The following GJB4 variants were observed in gnomAD, a reference collection of about 807,000 sequenced individuals.
GJB4 encodes gap junction beta-4 protein.
For synonymous variants in GJB4, 162 were observed against 158.1 expected (o/e 1.02, Z -0.18); for missense variants, 371 against 363.8 (o/e 1.02, Z -0.16).
rs368331423 is a variant in GJB4, at chr1:34,761,453, G to A, written c.199G>A (p.Glu67Lys). 2.8e-5 allele frequency: 45 copies of A among 1,614,156 alleles called. No individual in the cohort carries two copies. In the East Asian group the frequency reaches 6.9e-4, roughly 25 times the overall value. ...QPGCPNVCYD[E>K]FFPVSHVRLW... ...CGGCTGCCCCAACGTCTGCTATGAC[G>A]AGTTCTTCCCCGTGTCCCACGTGCG... Residue 67 changes from glutamate to lysine, a missense_variant, in exon 2 of 2, where the codon GAG becomes AAG. Coordinates refer to ENST00000339480, the MANE Select transcript of GJB4 (RefSeq NM_153212.3). The surrounding 1 kb of genome is among the most constrained non-coding windows in gnomAD (Gnocchi z 4.4).
rs1226006409 is a variant in GJB4 at position 34,762,113 on chromosome 1, A to C, written c.*58A>C. The C allele has an allele frequency of 7.3e-6, 11 of 1,499,954 alleles. 1 individual carries two copies. In the African/African-American group the frequency reaches 1.1e-4, roughly 15 times the overall value. The allele number at this position is 1,499,954 out of a possible 1,614,324, so 92.9% of individuals were successfully genotyped here. On this transcript the variant is annotated 3_prime_UTR_variant, in exon 2 of 2. Transcript: ENST00000339480. ...CCCCCCACATGAGGCCACCCAGGAA[A>C]AAAGGCAGGGGCAGTGGCATCCTTG...
At position 34,761,237 on chromosome 1, in the gene GJB4, A is replaced by C. The variant is rs1228002628; in HGVS notation, c.-18A>C. On this transcript the variant is annotated 5_prime_UTR_variant, in exon 2 of 2. Transcript: ENST00000339480. This position sits in a 1 kb window ranked among gnomAD's most constrained non-coding sequence, Gnocchi z 4.4. ...CAGGTATAGACCTTCCACGTGCAGC[A>C]CCCAGGACACAGCCAGCATGAACTG... The C allele has an allele frequency of 6.2e-7, 1 of 1,613,936 alleles. No individual in the cohort carries two copies. Among genetic ancestry groups the C allele is most frequent in the East Asian group, 2.2e-5 (1 of 44,878 alleles).
rs111254251 is a variant in GJB4, at chr1:34,759,979, T to C, written c.-323+191T>C. Among the ~76,000 whole-genome samples the C allele has an allele frequency of 7.0e-3, 1,059 of 152,006 alleles. 11 individuals carry two copies. The highest frequency in any genetic ancestry group is 0.024 in the African/African-American group (1,014 of 41,440). On this transcript the variant is annotated intron_variant, in intron 1 of 1. Coordinates refer to ENST00000339480, the MANE Select transcript of GJB4 (RefSeq NM_153212.3). ...GGCTGACCTAAGGGACGACAGAAGA[T>C]TGGGGAAGAGGGGGTATCAGGAAGA... is the stretch of plus-strand genomic sequence containing the variant.
intron 1 of GJB4, among the ~76,000 whole-genome samples, chr1:34,760,054 C>A (rs1193911313): frequency 1.3e-5 from 2 of 152,180 alleles, no homozygotes; most frequent in Non-Finnish European, 2.9e-5. Context: ...TTCACTGGGC[C>A]AGGCCAGTGC....
rs1452614572 is a variant in GJB4 at position 34,762,095 on chromosome 1, C to T, written c.*40C>T. The T allele has an allele frequency of 1.2e-5, 19 of 1,549,012 alleles. No homozygotes were observed. The highest frequency in any genetic ancestry group is 1.3e-5 in the Non-Finnish European group (15 of 1,137,640). On this transcript the variant is annotated 3_prime_UTR_variant, in exon 2 of 2. Coordinates refer to ENST00000339480, the MANE Select transcript of GJB4 (RefSeq NM_153212.3). ...AGATAAGATCAACAGGTCCCCCCCA[C>T]ATGAGGCCACCCAGGAAAAAAGGCA...
chr1:34,761,191 C>T lies in GJB4; in HGVS notation c.-64C>T. ...CCCCCAGGCCTCAAGGCTCCCAAGG[C>T]CTGAGTGGGCAGGTAGCACCCAGGT... is the stretch of plus-strand genomic sequence containing the variant. On this transcript the variant is annotated 5_prime_UTR_variant, in exon 2 of 2. Transcript: ENST00000339480. This position sits in a 1 kb window ranked among gnomAD's most constrained non-coding sequence, Gnocchi z 4.4. 3 of 1,562,362 alleles carry T rather than the reference C, an allele frequency of 1.9e-6. No homozygotes were observed. The highest frequency in any genetic ancestry group is 2.6e-6 in the Non-Finnish European group (3 of 1,137,258).
chr1:34,759,936 G>T (rs1022552084), intron 1 of GJB4, 148 bp downstream of exon 1: 2 of 152,384 alleles, frequency 1.3e-5, no homozygotes, highest in African/African-American at 4.8e-5. Context: ...AAGTGCCAAG[G>T]AGGAGAAGGA....
In GJB4 at chr1:34,761,976, A is replaced by C; in HGVS notation, c.722A>C (p.Gln241Pro). ...PDTCPPYVLS[Q>P]GGHPEDGNSV... ...ACGTGCCCACCATATGTCCTCTCCC[A>C]GGGAGGGCACCCTGAGGATGGGAAC... is the stretch of plus-strand genomic sequence containing the variant. Residue 241 changes from glutamine (Q) to proline (P), a missense_variant, in exon 2 of 2, where the codon CAG becomes CCG. Coordinates refer to ENST00000339480, the MANE Select transcript of GJB4 (RefSeq NM_153212.3). This position sits in a 1 kb window ranked among gnomAD's most constrained non-coding sequence, Gnocchi z 4.4. 6.2e-7 allele frequency: 1 copy of C among 1,614,144 alleles called. No homozygotes were observed. Among genetic ancestry groups the C allele is most frequent in the Non-Finnish European group, 8.5e-7 (1 of 1,179,990 alleles).
In GJB4 at chr1:34,761,546, C is replaced by T. The variant is rs200602523; in HGVS notation, c.292C>T (p.Arg98Cys). The change falls in exon 2 of 2, where the codon CGC becomes TGC. Residue 98 changes from arginine to cysteine, a missense_variant. Transcript: ENST00000339480. The surrounding 1 kb of genome is among the most constrained non-coding windows in gnomAD (Gnocchi z 4.4). ...SLLVVMHVAY[R>C]EERERKHHLK... ...GCTCGTGGTCATGCACGTGGCCTAC[C>T]GCGAGGAACGCGAGCGCAAGCACCA... The T allele has an allele frequency of 1.8e-4, 298 of 1,614,152 alleles. No individual in the cohort carries two copies. The East Asian group carries it at 2.5e-3, about 14-fold the overall frequency.
rs200609512 is a variant in GJB4 at position 34,761,566 on chromosome 1, G to C, written c.312G>C (p.Lys104Asn). ...HVAYREERER[K>N]HHLKHGPNAP... ...CCTACCGCGAGGAACGCGAGCGCAA[G>C]CACCACCTGAAACACGGGCCCAATG... The change falls in exon 2 of 2, where the codon AAG (lysine) becomes AAC (asparagine). Residue 104 changes from lysine (K) to asparagine (N), a missense_variant. By Grantham distance (94) the Lys-to-Asn change is moderately conservative (BLOSUM62 0). Coordinates refer to ENST00000339480, the MANE Select transcript of GJB4 (RefSeq NM_153212.3). This position sits in a 1 kb window ranked among gnomAD's most constrained non-coding sequence, Gnocchi z 4.4. 20 of 1,614,218 alleles carry C rather than the reference G, an allele frequency of 1.2e-5. No homozygotes were observed. The highest frequency in any genetic ancestry group is 1.7e-5 in the Non-Finnish European group (20 of 1,180,044).
chr1:34,760,680 G>T (rs116557457), intron 1 of GJB4, among the ~76,000 whole-genome samples: 4,194 of 152,318 alleles, frequency 0.028, 78 homozygotes, highest in South Asian at 0.046. Flanking sequence ...AGGGGCTGAT[G>T]TGAACGTCCC....
chr1:34,761,590 T>C lies in GJB4; in HGVS notation c.336T>C (p.Asn112=). ...ERKHHLKHGP[N]APSLYDNLSK... ...AGCACCACCTGAAACACGGGCCCAA[T>C]GCCCCGTCCCTGTACGACAACCTGA... is the stretch of plus-strand genomic sequence containing the variant. The change falls in exon 2 of 2, where the codon AAT becomes AAC. Residue 112 remains asparagine (N), a synonymous_variant. Transcript: ENST00000339480. This position sits in a 1 kb window ranked among gnomAD's most constrained non-coding sequence, Gnocchi z 4.4. The C allele has an allele frequency of 1.9e-6, 3 of 1,614,232 alleles. No homozygotes were observed. The highest frequency in any genetic ancestry group is 2.5e-6 in the Non-Finnish European group (3 of 1,180,034).
At chr1:34,759,903 G>A (rs182516489) in intron 1 of GJB4, 115 bp downstream of exon 1, 1 of 152,436 alleles carries the variant, frequency 6.6e-6, no homozygotes, top group African/African-American at 2.4e-5. Flanking sequence ...CAGAGGGTCA[G>A]TGTCCCTAGA....
Position 34,761,196 on chromosome 1 carries a change from G to A in GJB4, c.-59G>A. 2.5e-6 allele frequency: 4 copies of A among 1,579,202 alleles called. No individual in the cohort carries two copies. The highest frequency in any genetic ancestry group is 2.2e-5 in the East Asian group (1 of 44,460). On this transcript the variant is annotated 5_prime_UTR_variant, in exon 2 of 2. In the 5' UTR this introduces an upstream ATG that the reference lacks. Coordinates refer to ENST00000339480, the MANE Select transcript of GJB4 (RefSeq NM_153212.3). The surrounding 1 kb of genome is among the most constrained non-coding windows in gnomAD (Gnocchi z 4.4). ...AGGCCTCAAGGCTCCCAAGGCCTGAGTGGGCAGGTAGCACCCAGGTATAGA... is the reference window on the plus strand; with the variant it reads ...AGGCCTCAAGGCTCCCAAGGCCTGAATGGGCAGGTAGCACCCAGGTATAGA...
rs9426009 is a variant in GJB4, at chr1:34,761,561, C to T, written c.307C>T (p.Arg103Cys). Residue 103 changes from arginine to cysteine, a missense_variant, in exon 2 of 2, where the codon CGC becomes TGC. Arg to Cys is a radical substitution (Grantham distance 180, BLOSUM62 -3). Transcript: ENST00000339480. The surrounding 1 kb of genome is among the most constrained non-coding windows in gnomAD (Gnocchi z 4.4). Reference sequence around the variant, plus strand: ...CGTGGCCTACCGCGAGGAACGCGAGCGCAAGCACCACCTGAAACACGGGCC... The same window carrying T: ...CGTGGCCTACCGCGAGGAACGCGAGTGCAAGCACCACCTGAAACACGGGCC... The part of the protein sequence containing the change: ...MHVAYREERE[R>C]KHHLKHGPNA... 38,871 of 1,614,208 alleles carry T rather than the reference C, an allele frequency of 0.024. 524 individuals are homozygous for T. Among genetic ancestry groups the T allele is most frequent in the Non-Finnish European group, 0.028 (32,872 of 1,180,032 alleles).
chr1:34,761,531 A>C lies in GJB4; in HGVS notation c.277A>C (p.Met93Leu). ...LVTCPSLLVV[M>L]HVAYREERER... ...CACGTGCCCCTCACTGCTCGTGGTC[A>C]TGCACGTGGCCTACCGCGAGGAACG... The change falls in exon 2 of 2, where the codon ATG becomes CTG. Residue 93 changes from methionine to leucine, a missense_variant. Met to Leu is a conservative substitution (Grantham distance 15, BLOSUM62 2). Transcript: ENST00000339480. The surrounding 1 kb of genome is among the most constrained non-coding windows in gnomAD (Gnocchi z 4.4). The C allele has an allele frequency of 6.2e-7, 1 of 1,614,164 alleles. No homozygotes were observed. The highest frequency in any genetic ancestry group is 8.5e-7 in the Non-Finnish European group (1 of 1,180,030).
Position 34,762,086 on chromosome 1 carries a change from TC to T in GJB4, c.*38del, listed in dbSNP as rs779022220. On this transcript the variant is annotated 3_prime_UTR_variant, in exon 2 of 2. Coordinates refer to ENST00000339480, the MANE Select transcript of GJB4 (RefSeq NM_153212.3). Reference sequence around the variant, plus strand: ...GAGATCAGCAGATAAGATCAACAGGTCCCCCCCACATGAGGCCACCCAGGAA... The same window carrying T: ...GAGATCAGCAGATAAGATCAACAGGTCCCCCCACATGAGGCCACCCAGGAA... 8.2e-6 allele frequency: 13 copies of T among 1,576,642 alleles called. No homozygotes were observed. Among genetic ancestry groups the T allele is most frequent in the African/African-American group, 6.8e-5 (5 of 73,702 alleles).
Position 34,762,048 on chromosome 1 carries a change from A to G in GJB4, c.794A>G (p.Tyr265Cys), listed in dbSNP as rs1639733631. The G allele has an allele frequency of 6.2e-7, 1 of 1,612,552 alleles. No homozygotes were observed. Among genetic ancestry groups the G allele is most frequent in the Non-Finnish European group, 8.5e-7 (1 of 1,179,342 alleles). The part of the protein sequence containing the change: ...AGSAPVDAGG[Y>C]P ...TCGGCCCCAGTGGATGCAGGTGGGT[A>G]TCCATAACCTGCGAGATCAGCAGAT... The change falls in exon 2 of 2, where the codon TAT (tyrosine) becomes TGT (cysteine). Residue 265 changes from tyrosine (Y) to cysteine (C), a missense_variant. Physicochemically the swap from Tyr to Cys is radical, Grantham distance 194. Coordinates refer to ENST00000339480, the MANE Select transcript of GJB4 (RefSeq NM_153212.3).
chr1:34,761,761 C>A lies in GJB4; in HGVS notation c.507C>A (p.Cys169Ter), dbSNP rs79193415. The change falls in exon 2 of 2, where the codon TGC (cysteine) becomes TGA (stop). Residue 169 changes from cysteine to a stop codon, truncating the protein, a stop_gained. Transcript: ENST00000339480. LOFTEE classifies it low-confidence loss of function (END_TRUNC). The surrounding 1 kb of genome is among the most constrained non-coding windows in gnomAD (Gnocchi z 4.4). ...TGGTGGCCTGCTCCGTGGAGCCTTG[C>A]CCCCACACTGTGGACTGTTACATCT... ...PRVVACSVEPCPHTVDCYISR... is the reference protein window; with the variant it reads ...PRVVACSVEP 1.5e-5 allele frequency: 25 copies of A among 1,614,086 alleles called. No individual in the cohort carries two copies. In the East Asian group the frequency reaches 4.5e-4, roughly 29 times the overall value.
Sources: gnomAD v4.1 joint callset for allele counts (sites outside exome capture counted in the v4.1 genomes callset) on GRCh38, gnomAD v4.1.1 for gene constraint, Gnocchi (gnomAD v3.1) non-coding constraint, MANE v1.5 for transcripts, NCBI Gene and HGNC (gene_info 2026-07-23, HGNC 2026-07-21) for gene names.